The following GALNT9 variants were observed in gnomAD, a reference collection of about 807,000 sequenced individuals.
The protein encoded by GALNT9 is GalNAc transferase 9.
Under a neutral mutation model 63.1 loss-of-function variants are expected in GALNT9, and 47 were observed. The observed-to-expected ratio is 0.75, with a 90% CI of 0.59 to 0.95. The LOEUF (loss-of-function observed/expected upper bound fraction) is 0.95. Among genes scored for constraint, GALNT9 ranks in the 40% least tolerant of loss-of-function variants. The pLI is 0.00. For missense variants in GALNT9, 829 were observed against 874.8 expected, an observed-to-expected ratio of 0.95 and a Z score of 0.66; for synonymous variants, 396 against 365.7, an observed-to-expected ratio of 1.08 and a Z score of -0.94.
At chr12:132,287,056 AGC>A (rs1555242261) in intron 1 of GALNT9, among the ~76,000 whole-genome samples, 3 of 65,282 alleles carry the variant, frequency 4.6e-5, no homozygotes, top group East Asian at 8.4e-4. Flanking sequence ...ACACTGAGTG[AGC>A]GCCCCCCCCC....
rs1188398238 is a variant in GALNT9, at chr12:132,197,965, G to GA, written c.1498-7dup. On this transcript the variant is annotated splice_region_variant and splice_polypyrimidine_tract_variant and intron_variant, in intron 9 of 10. Coordinates refer to ENST00000328957, the MANE Select transcript of GALNT9 (RefSeq NM_001122636.2). ...TCAGCGCTGTACCGCACCAGCTGGG[G>GA]ACAGGACCACCGGGACTGTGTGTGA... 1.2e-6 allele frequency: 2 copies of GA among 1,603,656 alleles called. No individual in the cohort carries two copies. Among genetic ancestry groups the GA allele is most frequent in the East Asian group, 4.5e-5 (2 of 44,608 alleles).
At chr12:132,278,621 C>T (rs1446967887) in intron 2 of GALNT9, 5 of 152,334 alleles carry the variant, frequency 3.3e-5, no homozygotes, top group Middle Eastern at 3.4e-3. Flanking sequence ...TGTCTCCAGC[C>T]GCTGGTTTAG....
chr12:132,209,397 A>T (rs567845685), intron 6 of GALNT9, among the ~76,000 whole-genome samples: 2 of 152,234 alleles, frequency 1.3e-5, no homozygotes, highest in East Asian at 3.9e-4. Context: ...TAAAAAATAA[A>T]AAATTAGCTG....
At chr12:132,213,878 C>T (rs375826176) in intron 6 of GALNT9, among the ~76,000 whole-genome samples, 13 of 152,244 alleles carry the variant, frequency 8.5e-5, no homozygotes, top group African/African-American at 2.9e-4. Flanking sequence ...TGCGCGTGGG[C>T]GCTGACAGTC....
At chr12:132,300,332 T>A (rs1174454757) in intron 1 of GALNT9, among the ~76,000 whole-genome samples, 3 of 131,980 alleles carry the variant, frequency 2.3e-5, no homozygotes, top group African/African-American at 8.7e-5. Flanking sequence ...CTCCCATAAC[T>A]AACCCACTCC....
chr12:132,201,159 T>G lies in GALNT9; in HGVS notation c.1366A>C (p.Met456Leu). 1 of 1,613,448 alleles carries G rather than the reference T, an allele frequency of 6.2e-7. No individual in the cohort carries two copies. The highest frequency in any genetic ancestry group is 8.5e-7 in the Non-Finnish European group (1 of 1,179,702). Reference sequence around the variant, plus strand: ...GTGAGGGTGTTGTTGTAGACCCTCATCTCCGGGTACACGTTCTCCAGGTAC... The same window carrying G: ...GTGAGGGTGTTGTTGTAGACCCTCAGCTCCGGGTACACGTTCTCCAGGTAC... ...KWYLENVYPEMRVYNNTLTYG... is the reference protein window; with the variant it reads ...KWYLENVYPELRVYNNTLTYG... Residue 456 changes from methionine to leucine, a missense_variant, in exon 8 of 11, where the codon ATG becomes CTG. Transcript: ENST00000328957.
At position 132,329,067 on chromosome 12, in the gene GALNT9, C is replaced by T. The variant is rs1310794926; in HGVS notation, c.137G>A (p.Arg46Gln). 7 of 1,547,294 alleles carry T rather than the reference C, an allele frequency of 4.5e-6. No individual in the cohort carries two copies. Among genetic ancestry groups the T allele is most frequent in the South Asian group, 1.2e-5 (1 of 83,976 alleles). Residue 46 changes from arginine (R) to glutamine (Q), a missense_variant, in exon 1 of 11, where the codon CGG (arginine) becomes CAG (glutamine). Transcript: ENST00000328957. Reference sequence around the variant, plus strand: ...CACCTTGGCGTGTCGGCTGCGCACCCGGCGGTCGCCGCTCACGATGCGCAC... The same window carrying T: ...CACCTTGGCGTGTCGGCTGCGCACCTGGCGGTCGCCGCTCACGATGCGCAC... ...ELVRIVSGDR[R>Q]VRSRHAKVGT... is the part of the protein sequence containing the mutation.
intron 1 of GALNT9, among the ~76,000 whole-genome samples, chr12:132,311,501 G>T (rs1881811435): frequency 6.6e-6 from 1 of 152,190 alleles, no homozygotes; most frequent in African/African-American, 2.4e-5. Context: ...TAGGCCTCGG[G>T]TTATGCCTGC....
chr12:132,326,341 G>A (rs1347035157), intron 1 of GALNT9, among the ~76,000 whole-genome samples: 4 of 152,258 alleles, frequency 2.6e-5, no homozygotes, highest in East Asian at 1.9e-4. Context: ...TGCCTTGAGC[G>A]CTGAACTTAG....
intron 1 of GALNT9, among the ~76,000 whole-genome samples, chr12:132,302,830 C>A (rs572396713): frequency 2.0e-5 from 3 of 152,290 alleles, no homozygotes; most frequent in South Asian, 2.1e-4. Context: ...GGGGTGGGAG[C>A]TTTCTGTGCC....
chr12:132,262,317 A>G (rs1013267315), intron 3 of GALNT9, 142 bp downstream of exon 3: 54 of 1,136,372 alleles, frequency 4.8e-5, no homozygotes, highest in Non-Finnish European at 6.3e-5. Context: ...GGCAGGAGGG[A>G]CCCCCATAGG....
chr12:132,214,056 A>G (rs10794460), intron 6 of GALNT9, among the ~76,000 whole-genome samples: 123,408 of 152,174 alleles, frequency 0.81, 50,372 homozygotes, highest in East Asian at 1. Context: ...TGGGCCCCTC[A>G]GTCCTCCCAG....
intron 6 of GALNT9, among the ~76,000 whole-genome samples, chr12:132,227,523 G>A (rs1166078973): frequency 1.3e-5 from 2 of 152,224 alleles, no homozygotes; most frequent in Non-Finnish European, 2.9e-5. Flanking sequence ...CCCAGACAGA[G>A]GCAGAATTGT....
At chr12:132,204,836 C>T (rs138729489) in intron 6 of GALNT9, among the ~76,000 whole-genome samples, 119 of 152,288 alleles carry the variant, frequency 7.8e-4, no homozygotes, top group African/African-American at 2.5e-3. Flanking sequence ...GTCTGATCCA[C>T]GTGGCCCAAG....
At chr12:132,263,647 C>G (rs1555239963) in intron 2 of GALNT9, among the ~76,000 whole-genome samples, 2 of 152,218 alleles carry the variant, frequency 1.3e-5, no homozygotes, top group Non-Finnish European at 2.9e-5. Context: ...ACGTGAGCGC[C>G]CTGACAGCAA....
At chr12:132,301,019 G>A (rs114884772) in intron 1 of GALNT9, among the ~76,000 whole-genome samples, 8 of 152,378 alleles carry the variant, frequency 5.3e-5, no homozygotes, top group African/African-American at 1.4e-4. Flanking sequence ...TCGTGCAGGC[G>A]TTGCACAAGC....
At chr12:132,299,888 A>G (rs1221775037) in intron 1 of GALNT9, among the ~76,000 whole-genome samples, 15 of 122,294 alleles carry the variant, frequency 1.2e-4, no homozygotes, top group East Asian at 2.5e-4. Flanking sequence ...TAACTAACCC[A>G]CTCCCACCAC....
chr12:132,240,238 G>A (rs1023058314), intron 6 of GALNT9, among the ~76,000 whole-genome samples: 9 of 152,110 alleles, frequency 5.9e-5, no homozygotes, highest in African/African-American at 2.2e-4. Context: ...ACAGGTCAGG[G>A]ATCTGGAATA....
At chr12:132,254,529 A>G (rs1032864977) in intron 5 of GALNT9, among the ~76,000 whole-genome samples, 4 of 152,128 alleles carry the variant, frequency 2.6e-5, no homozygotes, top group African/African-American at 9.7e-5. Flanking sequence ...GAGAGGAGTG[A>G]TTCTGACAGG....
Sources: gnomAD v4.1 joint callset for allele counts (sites outside exome capture counted in the v4.1 genomes callset) on GRCh38, gnomAD v4.1.1 for gene constraint, MANE v1.5 for transcripts, NCBI Gene and HGNC (gene_info 2026-07-23, HGNC 2026-07-21) for gene names.